RBM24: variants seen among roughly 807,000 people sequenced by gnomAD.
RBM24 encodes the protein RNA-binding protein 24.
RBM24 carries 5 observed loss-of-function variants against 23.6 expected under a neutral mutation model. The ratio of observed to expected loss-of-function variants is 0.21; its 90% CI spans 0.11 to 0.45. The LOEUF (loss-of-function observed/expected upper bound fraction) is 0.45, where lower values mean the gene tolerates loss of function less well. Among genes scored for constraint, RBM24 ranks in the 20% least tolerant of loss-of-function variants. The pLI is 0.99. For synonymous variants in RBM24, 151 were observed against 129.5 expected, an observed-to-expected ratio of 1.17 and a Z score of -1.13; for missense variants, 252 against 314.6, an observed-to-expected ratio of 0.80 and a Z score of 1.51.
At chr6:17,284,261 A>G (rs1760125247) in intron 2 of RBM24, among the ~76,000 whole-genome samples, 1 of 152,162 alleles carries the variant, frequency 6.6e-6, no homozygotes, top group Non-Finnish European at 1.5e-5. Flanking sequence ...CTTCCAAAGC[A>G]TTGTCTGAAG....
At chr6:17,286,190 T>TTC (rs1760191956) in intron 3 of RBM24, among the ~76,000 whole-genome samples, 1 of 149,568 alleles carries the variant, frequency 6.7e-6, no homozygotes, top group Admixed American at 6.6e-5. Flanking sequence ...TACTACTATT[T>TTC]TTTTTTTTTT....
intron 3 of RBM24, among the ~76,000 whole-genome samples, chr6:17,290,388 T>C (rs864280): frequency 0.69 from 105,402 of 152,096 alleles, 37,343 homozygotes; most frequent in East Asian, 0.83. Context: ...ATCAGATATT[T>C]ATGGTAGTGT....
chr6:17,290,068 G>A (rs745806683), intron 3 of RBM24: 38 of 1,289,212 alleles, frequency 2.9e-5, no homozygotes, highest in Non-Finnish European at 3.6e-5. Flanking sequence ...CTACAAGTCT[G>A]GTAAAATTGA....
chr6:17,286,969 G>A (rs1399565350), intron 3 of RBM24, among the ~76,000 whole-genome samples: 1 of 152,204 alleles, frequency 6.6e-6, no homozygotes, highest in Non-Finnish European at 1.5e-5. Flanking sequence ...TTGAAAGCAA[G>A]TGTGTTTTGA....
intron 3 of RBM24, chr6:17,290,958 A>C: frequency 2.0e-6 from 2 of 1,010,628 alleles, no homozygotes; most frequent in Non-Finnish European, 2.7e-6. Flanking sequence ...AAAGAAAATA[A>C]GTGTGCTGCA....
At chr6:17,282,774 G>C (rs1202709718) in intron 1 of RBM24, 31 bp from the exon 2 acceptor site, 6 of 1,613,116 alleles carry the variant, frequency 3.7e-6, no homozygotes, top group African/African-American at 1.3e-5. Context: ...TAGAGGTTAT[G>C]TATGTATGTC....
chr6:17,291,446 A>T (rs1760353594), intron 3 of RBM24, among the ~76,000 whole-genome samples: 1 of 152,196 alleles, frequency 6.6e-6, no homozygotes, highest in Non-Finnish European at 1.5e-5. Flanking sequence ...AACCTCTCTT[A>T]CGTGTGTAGC....
intron 3 of RBM24, chr6:17,288,116 C>A: frequency 3.0e-6 from 1 of 332,558 alleles, no homozygotes; most frequent in Non-Finnish European, 4.3e-6. Flanking sequence ...GGTTAATTAA[C>A]TTCCCCCTGA....
chr6:17,289,519 C>T (rs1175623873), intron 3 of RBM24: 1 of 985,420 alleles, frequency 1.0e-6, no homozygotes, highest in Non-Finnish European at 1.2e-6. Flanking sequence ...GCCCCCTAAG[C>T]AACCTTGCCT....
chr6:17,293,216 T>C lies in RBM24; in HGVS notation c.*1097T>C, dbSNP rs1760422857. The C allele has an allele frequency of 6.6e-6, 1 of 152,664 alleles. No individual in the cohort carries two copies. Among genetic ancestry groups the C allele is most frequent in the Admixed American group, 6.5e-5 (1 of 15,290 alleles). The allele number at this position is 152,664 out of a possible 1,614,324, so 9.5% of individuals were successfully genotyped here. A position where few individuals can be genotyped will look rare whatever the true frequency, so the allele number is the denominator to read the frequency against. ...TTATACTGTGCCTTAATAGTAATGC[T>C]ATTTAAGATATTTATTTTTAAGTTT... On this transcript the variant is annotated 3_prime_UTR_variant, in exon 4 of 4. Coordinates refer to ENST00000379052, the MANE Select transcript of RBM24 (RefSeq NM_001143942.2).
chr6:17,290,781 C>G, intron 3 of RBM24: 1 of 1,012,618 alleles, frequency 9.9e-7, no homozygotes, highest in Non-Finnish European at 1.4e-6. Flanking sequence ...TTTAGTTGTA[C>G]TTCCCTGTCC....
Position 17,284,687 on chromosome 6 carries a change from C to T in RBM24, c.323C>T (p.Pro108Leu). 6.2e-7 allele frequency: 1 copy of T among 1,611,726 alleles called. No individual in the cohort carries two copies. Among genetic ancestry groups the T allele is most frequent in the Non-Finnish European group, 8.5e-7 (1 of 1,179,036 alleles). ...GCCTTTGGTGTTCAACAACTTCATCCAGCCCTTATACAAAGACCTTTCGGG... is the reference window on the plus strand; with the variant it reads ...GCCTTTGGTGTTCAACAACTTCATCTAGCCCTTATACAAAGACCTTTCGGG... The part of the protein sequence containing the change: ...GFAFGVQQLH[P>L]ALIQRPFGIP... Residue 108 changes from proline to leucine, a missense_variant, in exon 3 of 4, where the codon CCA becomes CTA. Physicochemically the swap from Pro to Leu is moderately conservative, Grantham distance 98. Transcript: ENST00000379052.
At chr6:17,283,061 C>A in intron 2 of RBM24, 133 bp downstream of exon 2, 1 of 650,704 alleles carries the variant, frequency 1.5e-6, no homozygotes, top group Non-Finnish European at 2.7e-6. Context: ...GCTTGTTATT[C>A]TACCAAGGCA....
intron 3 of RBM24, chr6:17,289,936 C>G (rs1760304685): frequency 3.9e-6 from 5 of 1,282,868 alleles, no homozygotes; most frequent in African/African-American, 1.5e-5. Context: ...GTCACCTGAC[C>G]TGCAGCAAAG....
intron 1 of RBM24, chr6:17,282,580 GTTTCT>G: frequency 1.7e-6 from 1 of 601,020 alleles, no homozygotes; most frequent in East Asian, 3.0e-5. Flanking sequence ...GGGTTAGAGG[GTTTCT>G]TTCTTTTTTC....
chr6:17,282,230 T>C (rs1760043896), intron 1 of RBM24: 1 of 1,290,864 alleles, frequency 7.7e-7, no homozygotes, highest in Non-Finnish European at 1.0e-6. Context: ...GTAGGTTCTT[T>C]TAAATCATGA....
chr6:17,283,838 T>C (rs1042131951), intron 2 of RBM24, among the ~76,000 whole-genome samples: 2 of 152,210 alleles, frequency 1.3e-5, no homozygotes, highest in South Asian at 2.1e-4. Flanking sequence ...ATGAGAAATA[T>C]TTTACTTAAG....
At chr6:17,288,472 C>T (rs1047744265) in intron 3 of RBM24, 2 of 983,568 alleles carry the variant, frequency 2.0e-6, no homozygotes, top group African/African-American at 3.5e-5. Context: ...TTATTTAATG[C>T]ACAGCAATCC....
chr6:17,281,892 C>T lies in RBM24; in HGVS notation c.168+143C>T. 7.3e-7 allele frequency: 1 copy of T among 1,366,736 alleles called. No individual in the cohort carries two copies. Among genetic ancestry groups the T allele is most frequent in the Non-Finnish European group, 9.9e-7 (1 of 1,007,688 alleles). The allele number at this position is 1,366,736 out of a possible 1,614,324, so 84.7% of individuals were successfully genotyped here. ...CGCTGCCCCTTCGCTCCGGGGTGAA[C>T]TGAAACTTTGCTAGGGGAGAGGGTC... is the stretch of plus-strand genomic sequence containing the variant. On this transcript the variant is annotated intron_variant, in intron 1 of 3. Coordinates refer to ENST00000379052, the MANE Select transcript of RBM24 (RefSeq NM_001143942.2). The surrounding 1 kb of genome is among the most constrained non-coding windows in gnomAD (Gnocchi z 7.1).
Sources: gnomAD v4.1 joint callset for allele counts (sites outside exome capture counted in the v4.1 genomes callset) on GRCh38, gnomAD v4.1.1 for gene constraint, Gnocchi (gnomAD v3.1) non-coding constraint, MANE v1.5 for transcripts, NCBI Gene and HGNC (gene_info 2026-07-23, HGNC 2026-07-21) for gene names.